The following C2CD5 variants were observed in gnomAD, a reference collection of about 807,000 sequenced individuals.
C2CD5 encodes the protein C2 calcium dependent domain containing 5.
A neutral mutation model predicts 130.3 loss-of-function variants in C2CD5; 109 were observed. The ratio of observed to expected loss-of-function variants is 0.84; its 90% CI spans 0.72 to 0.98. The LOEUF is 0.98. Ranked by LOEUF, C2CD5 falls within the 50% of genes least tolerant of loss-of-function variation. C2CD5 has a pLI of 0.00. For missense variants in C2CD5, 996 were observed against 1,261.8 expected, an observed-to-expected ratio of 0.79 and a Z score of 3.19; for synonymous variants, 454 against 429.2, an observed-to-expected ratio of 1.06 and a Z score of -0.71.
At chr12:22,544,230 G>A (rs1297401015) in intron 1 of C2CD5, 51 bp from the exon 2 acceptor site, 37 of 1,441,874 alleles carry the variant, frequency 2.6e-5, no homozygotes, top group Non-Finnish European at 3.2e-5. Flanking sequence ...CGGCGGGAGA[G>A]GGGCGGAGGC....
intron 10 of C2CD5, among the ~76,000 whole-genome samples, chr12:22,502,307 T>C (rs1164434709): frequency 6.6e-6 from 1 of 152,138 alleles, no homozygotes; most frequent in East Asian, 1.9e-4. Context: ...CAGTAGCCTA[T>C]AGAACACTAA....
intron 16 of C2CD5, among the ~76,000 whole-genome samples, chr12:22,473,159 T>G (rs1055636283): frequency 6.6e-6 from 1 of 152,188 alleles, no homozygotes; most frequent in African/African-American, 2.4e-5. Context: ...CAGAACTCCT[T>G]TACAATGGAA....
At chr12:22,492,904 A>T (rs890554950) in intron 11 of C2CD5, among the ~76,000 whole-genome samples, 1 of 152,190 alleles carries the variant, frequency 6.6e-6, no homozygotes, top group Non-Finnish European at 1.5e-5. Context: ...GTTACATACT[A>T]AAGGAAGCCT....
At chr12:22,489,971 T>C in intron 12 of C2CD5, 152 bp downstream of exon 12, 1 of 554,156 alleles carries the variant, frequency 1.8e-6, no homozygotes, top group South Asian at 2.6e-5. Context: ...TTACTACGGG[T>C]TAGTTAAAAA....
chr12:22,473,146 A>G lies in C2CD5; in HGVS notation c.2044-339T>C, dbSNP rs377380146. 2.6e-5 allele frequency among the ~76,000 whole-genome samples: 4 copies of G among 152,338 alleles called. 1 individual carries two copies. The highest frequency in any genetic ancestry group is 9.6e-5 in the African/African-American group (4 of 41,586). On this transcript the variant is annotated intron_variant, in intron 16 of 26. Transcript: ENST00000446597. ...AAGTGTAATGAGATCCTTTCACTAA[A>G]TGCAGAACTCCTTTACAATGGAATT... is the stretch of plus-strand genomic sequence containing the variant.
At chr12:22,485,098 T>C (rs1212705740) in intron 12 of C2CD5, among the ~76,000 whole-genome samples, 2 of 152,224 alleles carry the variant, frequency 1.3e-5, no homozygotes, top group East Asian at 1.9e-4. Flanking sequence ...GAGAAAAGAC[T>C]TACCAATTGC....
At chr12:22,518,887 G>T (rs1254584122) in intron 7 of C2CD5, among the ~76,000 whole-genome samples, 2 of 152,204 alleles carry the variant, frequency 1.3e-5, no homozygotes, top group Non-Finnish European at 2.9e-5. Context: ...ATTATTTGAG[G>T]ATCTGTGGAA....
chr12:22,510,596 T>C (rs999715729), intron 9 of C2CD5, among the ~76,000 whole-genome samples: 6 of 152,244 alleles, frequency 3.9e-5, no homozygotes, highest in African/African-American at 1.4e-4. Context: ...AACAGATTTC[T>C]GCCATGGTTT....
At chr12:22,490,310 T>A (rs1946173107) in intron 11 of C2CD5, 92 bp from the exon 12 acceptor site, 1 of 850,444 alleles carries the variant, frequency 1.2e-6, no homozygotes. Flanking sequence ...ACAGTGACAA[T>A]TTAAGTTCAA....
At chr12:22,491,998 T>A (rs1478574338) in intron 11 of C2CD5, among the ~76,000 whole-genome samples, 1 of 152,110 alleles carries the variant, frequency 6.6e-6, no homozygotes, top group Non-Finnish European at 1.5e-5. Context: ...ACAAAGTTAG[T>A]AGTTAACAAG....
intron 13 of C2CD5, 98 bp downstream of exon 13, chr12:22,484,599 A>G: frequency 1.8e-6 from 1 of 553,718 alleles, no homozygotes; most frequent in Non-Finnish European, 3.1e-6. Flanking sequence ...GCAGGATCAA[A>G]CAGGTAGGAA....
intron 10 of C2CD5, among the ~76,000 whole-genome samples, chr12:22,505,352 G>T (rs1186350801): frequency 6.6e-6 from 1 of 150,482 alleles, no homozygotes; most frequent in African/African-American, 2.5e-5. Context: ...CCACCTCCCG[G>T]GTTCAAGCAA....
At chr12:22,462,978 G>A (rs1813888504) in intron 22 of C2CD5, among the ~76,000 whole-genome samples, 1 of 152,024 alleles carries the variant, frequency 6.6e-6, no homozygotes. Context: ...CAGCTACTCA[G>A]GAGGCTGAGG....
At chr12:22,534,153 A>G (rs183282078) in intron 3 of C2CD5, among the ~76,000 whole-genome samples, 5 of 152,190 alleles carry the variant, frequency 3.3e-5, no homozygotes, top group African/African-American at 9.7e-5. Context: ...GCACCATTGC[A>G]CTCCAGCCTG....
intron 2 of C2CD5, among the ~76,000 whole-genome samples, chr12:22,542,834 G>T (rs1952530990): frequency 1.3e-5 from 2 of 152,216 alleles, no homozygotes; most frequent in Admixed American, 1.3e-4. Flanking sequence ...TAGCAGGACT[G>T]TTGTGAAAAC....
At chr12:22,489,293 C>A (rs557732974) in intron 12 of C2CD5, among the ~76,000 whole-genome samples, 25 of 151,504 alleles carry the variant, frequency 1.7e-4, no homozygotes, top group African/African-American at 6.1e-4. Flanking sequence ...GACTCTGGTA[C>A]CAAACTAATA....
chr12:22,487,503 T>C (rs916576106), intron 12 of C2CD5, among the ~76,000 whole-genome samples: 4 of 152,182 alleles, frequency 2.6e-5, no homozygotes, highest in Non-Finnish European at 5.9e-5. Context: ...CACGATGAGA[T>C]ACCATACCAC....
intron 12 of C2CD5, among the ~76,000 whole-genome samples, chr12:22,487,958 A>T (rs193273501): frequency 6.6e-6 from 1 of 151,450 alleles, no homozygotes; most frequent in East Asian, 1.9e-4. Flanking sequence ...AAGGACAAAA[A>T]ACCAAACACT....
rs1298714801 is a variant in C2CD5 at position 22,524,618 on chromosome 12, A to T, written c.455T>A (p.Ile152Asn). The T allele has an allele frequency of 6.2e-7, 1 of 1,611,098 alleles. No homozygotes were observed. Among genetic ancestry groups the T allele is most frequent in the Non-Finnish European group, 8.5e-7 (1 of 1,178,664 alleles). The stretch of plus-strand genomic sequence containing the variant: ...TATCACAGCTCTATAGCATTTTGGA[A>T]TAGACGTTGCTGTTAAAACAAATTA... ...CGVKFFCTTS[I>N]PKCYRAVIIH... Residue 152 changes from isoleucine to asparagine, a missense_variant, in exon 6 of 27, where the codon ATT becomes AAT. Transcript: ENST00000446597.
Sources: gnomAD v4.1 joint callset for allele counts (sites outside exome capture counted in the v4.1 genomes callset) on GRCh38, gnomAD v4.1.1 for gene constraint, MANE v1.5 for transcripts, NCBI Gene and HGNC (gene_info 2026-07-23, HGNC 2026-07-21) for gene names.